Variants in PGBD5 observed in about 807,000 individuals in gnomAD.
The protein encoded by PGBD5 is piggyBac transposable element-derived protein 5.
A neutral mutation model predicts 47.9 loss-of-function variants in PGBD5; 14 were observed. The observed-to-expected ratio is 0.29, with a 90% confidence interval of 0.19 to 0.46. PGBD5 has a LOEUF of 0.46. Among genes scored for constraint, PGBD5 ranks in the 20% least tolerant of loss-of-function variants. PGBD5 has a pLI of 1.00. For missense variants in PGBD5, 635 were observed against 716.0 expected, an observed-to-expected ratio of 0.89 and a Z score of 1.29; for synonymous variants, 316 against 306.3, an observed-to-expected ratio of 1.03 and a Z score of -0.33.
chr1:230,386,055 A>C (rs1467033808), intron 1 of PGBD5, among the ~76,000 whole-genome samples: 1 of 152,178 alleles, frequency 6.6e-6, no homozygotes, highest in Non-Finnish European at 1.5e-5. Context: ...GGCTATGTAC[A>C]ATGGCTCATA....
Position 230,425,521 on chromosome 1 carries a change from C to G in PGBD5, c.331+77G>C. 1.8e-6 allele frequency: 2 copies of G among 1,098,226 alleles called. No individual in the cohort carries two copies. Among genetic ancestry groups the G allele is most frequent in the Non-Finnish European group, 2.3e-6 (2 of 873,150 alleles). 68.0% of individuals were successfully genotyped at this position (1,098,226 alleles called of 1,614,324 possible). A position where few individuals can be genotyped will look rare whatever the true frequency, so the allele number is the denominator to read the frequency against. ...CCAGCCCACGGAGAGTCTGGACTCG[C>G]CCGCCCCAGCACCCACGCCTCCCCC... is the stretch of plus-strand genomic sequence containing the variant. On this transcript the variant is annotated intron_variant, in intron 1 of 6. Transcript: ENST00000391860. The surrounding 1 kb of genome is among the most constrained non-coding windows in gnomAD (Gnocchi z 4.7).
In PGBD5 at chr1:230,316,864, G is replaced by A. The variant is rs911600968; in HGVS notation, c.*6561C>T. On this transcript the variant is annotated 3_prime_UTR_variant, in exon 7 of 7. Coordinates refer to ENST00000391860, the MANE Select transcript of PGBD5 (RefSeq NM_001258311.2). ...GACCTCTCGGATAGCTGGGAACACCGTCCCTGCTCATGTTTGGGGCGTGCT... is the reference window on the plus strand; with the variant it reads ...GACCTCTCGGATAGCTGGGAACACCATCCCTGCTCATGTTTGGGGCGTGCT... The A allele has an allele frequency of 1.3e-5, 2 of 152,332 alleles. No homozygotes were observed. The highest frequency in any genetic ancestry group is 2.9e-5 in the Non-Finnish European group (2 of 68,048). 9.4% of individuals were successfully genotyped at this position (152,332 alleles called of 1,614,324 possible).
chr1:230,374,577 T>C (rs1281962510), intron 1 of PGBD5, among the ~76,000 whole-genome samples: 3 of 152,244 alleles, frequency 2.0e-5, no homozygotes, highest in African/African-American at 7.2e-5. Flanking sequence ...GGTAGGATTA[T>C]AGGTGATCTC....
chr1:230,391,451 C>T (rs1656783762), intron 1 of PGBD5, among the ~76,000 whole-genome samples: 2 of 152,190 alleles, frequency 1.3e-5, no homozygotes, highest in Admixed American at 1.3e-4. Flanking sequence ...TCTCAAATTG[C>T]ATCATTACAA....
In PGBD5 at chr1:230,354,949, T is replaced by G. The variant is rs181995271; in HGVS notation, c.759+1945A>C. On this transcript the variant is annotated intron_variant, in intron 2 of 6. Transcript: ENST00000391860. ...CTGGAGGAGAGAGAGGAGGAAGAGG[T>G]GGAAAAGTGAAGGCAAAAGTAAAGG... Among the ~76,000 whole-genome samples, 5 of 151,200 alleles carry G rather than the reference T, an allele frequency of 3.3e-5. No individual in the cohort carries two copies. In the East Asian group the frequency reaches 9.7e-4, roughly 29 times the overall value.
At chr1:230,366,135 G>C (rs913926918) in intron 1 of PGBD5, among the ~76,000 whole-genome samples, 1 of 149,076 alleles carries the variant, frequency 6.7e-6, no homozygotes, top group African/African-American at 2.6e-5. Flanking sequence ...CAATTTGTGA[G>C]TCCTGCCATG....
At chr1:230,344,657 T>C (rs1268953196) in intron 3 of PGBD5, among the ~76,000 whole-genome samples, 1 of 152,108 alleles carries the variant, frequency 6.6e-6, no homozygotes, top group Non-Finnish European at 1.5e-5. Flanking sequence ...CCCTCACAGA[T>C]GTCATGAGGG....
At chr1:230,328,114 G>C (rs992333083) in intron 5 of PGBD5, among the ~76,000 whole-genome samples, 4 of 152,108 alleles carry the variant, frequency 2.6e-5, no homozygotes, top group South Asian at 4.2e-4. Flanking sequence ...CGAAGATCTC[G>C]GGGTTTCCCA....
Position 230,350,902 on chromosome 1 carries a change from G to A in PGBD5, c.894+56C>T, listed in dbSNP as rs959730566. On this transcript the variant is annotated intron_variant, in intron 3 of 6. Transcript: ENST00000391860. ...GTATCAGATGAGCCCAAGTCGCCCG[G>A]ATTTTCTTCCCCGACCCTCTTCACC... 80 of 1,590,706 alleles carry A rather than the reference G, an allele frequency of 5.0e-5. 1 individual carries two copies. The highest frequency in any genetic ancestry group is 3.7e-4 in the South Asian group (32 of 86,974).
chr1:230,332,210 C>T (rs1038361420), intron 5 of PGBD5, among the ~76,000 whole-genome samples: 3 of 152,216 alleles, frequency 2.0e-5, no homozygotes. Flanking sequence ...TGAGGAAAGC[C>T]TCCGTGTGAA....
intron 1 of PGBD5, among the ~76,000 whole-genome samples, chr1:230,396,251 ACC>A (rs769441807): frequency 0.098 from 654 of 6,684 alleles, 49 homozygotes; most frequent in Non-Finnish European, 0.12. Flanking sequence ...CCTCCCTTTT[ACC>A]CCCACACTCC....
rs1441121739 is a variant in PGBD5 at position 230,353,892 on chromosome 1, GAGA to G, written c.760-2803_760-2801del. Reference sequence around the variant, plus strand: ...TCCAGCTTCTCCAATCAAGCATCAGGAGAAGAACTCTCTTCCTTCTTTAAGTGG... The same window carrying G: ...TCCAGCTTCTCCAATCAAGCATCAGGAGAACTCTCTTCCTTCTTTAAGTGG... On this transcript the variant is annotated intron_variant, in intron 2 of 6. Coordinates refer to ENST00000391860, the MANE Select transcript of PGBD5 (RefSeq NM_001258311.2). Among the ~76,000 whole-genome samples, 3 of 152,304 alleles carry G rather than the reference GAGA, an allele frequency of 2.0e-5. No homozygotes were observed. The East Asian group carries it at 5.8e-4, about 29-fold the overall frequency.
At chr1:230,341,827 A>G (rs1667411241) in intron 3 of PGBD5, among the ~76,000 whole-genome samples, 1 of 152,214 alleles carries the variant, frequency 6.6e-6, no homozygotes, top group Admixed American at 6.5e-5. Context: ...CTAGAGCAGG[A>G]AAATGTACCA....
intron 3 of PGBD5, among the ~76,000 whole-genome samples, chr1:230,339,551 T>A (rs942280133): frequency 6.6e-6 from 1 of 152,202 alleles, no homozygotes; most frequent in East Asian, 1.9e-4. Flanking sequence ...AAGAGATACC[T>A]GCACTCCCAC....
intron 1 of PGBD5, among the ~76,000 whole-genome samples, chr1:230,361,158 C>T (rs901537983): frequency 8.5e-5 from 13 of 152,194 alleles, no homozygotes; most frequent in African/African-American, 3.1e-4. Flanking sequence ...CACCTCCTCC[C>T]TCTTCCAAAC....
chr1:230,337,803 ACATTTG>A (rs1339530815), intron 3 of PGBD5, among the ~76,000 whole-genome samples: 1 of 152,168 alleles, frequency 6.6e-6, no homozygotes, highest in African/African-American at 2.4e-5. Flanking sequence ...TGAGGGCTAA[ACATTTG>A]CCCAAGAGTC....
chr1:230,340,885 A>G (rs1301467283), intron 3 of PGBD5, among the ~76,000 whole-genome samples: 2 of 152,142 alleles, frequency 1.3e-5, no homozygotes, highest in African/African-American at 2.4e-5. Context: ...GTGTCCACAC[A>G]TGCACCTCTG....
At position 230,321,220 on chromosome 1, in the gene PGBD5, A is replaced by G. The variant is rs1667027321; in HGVS notation, c.*2205T>C. ...GAGGTATTTCTATTAGCCAAACTCAAAAACATTTCTTTTTTAAACTGCTCA... is the reference window on the plus strand; with the variant it reads ...GAGGTATTTCTATTAGCCAAACTCAGAAACATTTCTTTTTTAAACTGCTCA... On this transcript the variant is annotated 3_prime_UTR_variant, in exon 7 of 7. Coordinates refer to ENST00000391860, the MANE Select transcript of PGBD5 (RefSeq NM_001258311.2). 1 of 152,266 alleles carries G rather than the reference A, an allele frequency of 6.6e-6. No individual in the cohort carries two copies. Among genetic ancestry groups the G allele is most frequent in the Admixed American group, 6.5e-5 (1 of 15,286 alleles). The allele number at this position is 152,266 out of a possible 1,614,324, so 9.4% of individuals were successfully genotyped here.
intron 1 of PGBD5, among the ~76,000 whole-genome samples, chr1:230,366,942 C>G (rs951762702): frequency 2.0e-5 from 3 of 152,032 alleles, no homozygotes; most frequent in Non-Finnish European, 2.9e-5. Flanking sequence ...ATTTTTAAAG[C>G]CTCTGCTTGG....
Sources: allele counts gnomAD v4.1 joint callset (sites outside exome capture counted in the v4.1 genomes callset), GRCh38; gene constraint gnomAD v4.1.1; non-coding constraint Gnocchi (gnomAD v3.1); transcripts MANE v1.5; gene names NCBI Gene and HGNC (gene_info 2026-07-23, HGNC 2026-07-21).